The following CFAP58 variants were observed in gnomAD, a reference collection of about 807,000 sequenced individuals.
The protein encoded by CFAP58 is cilia and flagella associated protein 58, also known as cilia- and flagella-associated protein 58.
CFAP58 carries 88 observed loss-of-function variants against 119.5 expected under a neutral mutation model. That is an observed-to-expected ratio of 0.74 (90% CI 0.62 to 0.88). CFAP58 has a LOEUF of 0.88. Ranked by LOEUF, CFAP58 falls within the 40% of genes least tolerant of loss-of-function variation. CFAP58 has a pLI of 0.00. For missense variants in CFAP58, 990 were observed against 1,021.2 expected, an observed-to-expected ratio of 0.97 and a Z score of 0.42; for synonymous variants, 365 against 366.3, an observed-to-expected ratio of 1.00 and a Z score of 0.04.
chr10:104,413,962 G>T (rs1048346678), intron 15 of CFAP58, among the ~76,000 whole-genome samples: 1 of 152,134 alleles, frequency 6.6e-6, no homozygotes, highest in Non-Finnish European at 1.5e-5. Flanking sequence ...AAGTTCAAAT[G>T]CACTTAACCT....
chr10:104,408,549 C>A (rs2012403149), intron 15 of CFAP58, among the ~76,000 whole-genome samples: 1 of 152,186 alleles, frequency 6.6e-6, no homozygotes, highest in Admixed American at 6.5e-5. Flanking sequence ...CTCCAGAGCT[C>A]ATGCTTTCTA....
At chr10:104,444,739 C>A (rs1168978824) in intron 15 of CFAP58, among the ~76,000 whole-genome samples, 1 of 152,318 alleles carries the variant, frequency 6.6e-6, no homozygotes, top group South Asian at 2.1e-4. Context: ...ACAGTGAAGC[C>A]GGGCAATACA....
intron 1 of CFAP58, among the ~76,000 whole-genome samples, chr10:104,357,904 C>G (rs34142346): frequency 1.0e-5 from 1 of 98,156 alleles, no homozygotes; most frequent in Non-Finnish European, 2.0e-5. Flanking sequence ...TATATGTACA[C>G]ATATACACAC....
intron 15 of CFAP58, among the ~76,000 whole-genome samples, chr10:104,409,662 T>C (rs1340259712): frequency 6.6e-6 from 1 of 152,234 alleles, no homozygotes; most frequent in African/African-American, 2.4e-5. Flanking sequence ...TATAAGATTA[T>C]AATTTTTATT....
At chr10:104,346,503 A>G in the CFAP58 span, among the ~76,000 whole-genome samples, 2 of 151,930 alleles carry the variant, frequency 1.3e-5, no homozygotes, top group African/African-American at 4.8e-5. Context: ...GTGCAACACC[A>G]CGCCCAGCTC....
chr10:104,376,221 T>C (rs1564884069), intron 7 of CFAP58, among the ~76,000 whole-genome samples: 2 of 151,798 alleles, frequency 1.3e-5, no homozygotes, highest in African/African-American at 4.8e-5. Context: ...CAGCGTTAAA[T>C]AAAACCCATC....
rs1298719701 is a variant in CFAP58, at chr10:104,392,316, A to T, written c.1449A>T (p.Lys483Asn). 2 of 1,613,264 alleles carry T rather than the reference A, an allele frequency of 1.2e-6. No individual in the cohort carries two copies. Among genetic ancestry groups the T allele is most frequent in the South Asian group, 2.2e-5 (2 of 90,886 alleles). Residue 483 changes from lysine to asparagine, a missense_variant, in exon 10 of 18, where the codon AAA becomes AAT. Transcript: ENST00000369704. The stretch of plus-strand genomic sequence containing the variant: ...AAAAAATAGCTGAATCAGAGATTAA[A>T]TTAAAACAGCAACAGAACCTATATG... ...YRKKIAESEI[K>N]LKQQQNLYEA...
rs1190565008 is a variant in CFAP58, at chr10:104,400,578, A to C, written c.1816-102A>C. The C allele has an allele frequency of 7.5e-6, 7 of 929,100 alleles. 1 individual carries two copies. Among genetic ancestry groups the C allele is most frequent in the South Asian group, 5.7e-5 (4 of 70,306 alleles). The allele number at this position is 929,100 out of a possible 1,614,324, so 57.6% of individuals were successfully genotyped here. A position where few individuals can be genotyped will look rare whatever the true frequency, so the allele number is the denominator to read the frequency against. On this transcript the variant is annotated intron_variant, in intron 12 of 17. Coordinates refer to ENST00000369704, the MANE Select transcript of CFAP58 (RefSeq NM_001008723.2). Reference sequence around the variant, plus strand: ...GCCCAGCCCATGTGGTGCCCAGTACATGTGGGCGTTCAATAGATACTCATT... The same window carrying C: ...GCCCAGCCCATGTGGTGCCCAGTACCTGTGGGCGTTCAATAGATACTCATT...
chr10:104,420,504 T>A (rs2133066985), intron 15 of CFAP58, among the ~76,000 whole-genome samples: 1 of 152,290 alleles, frequency 6.6e-6, no homozygotes, highest in African/African-American at 2.4e-5. Context: ...GTGTTATGTG[T>A]TTTGAAACAA....
intron 9 of CFAP58, among the ~76,000 whole-genome samples, chr10:104,388,508 T>C (rs550323951): frequency 6.6e-6 from 1 of 152,090 alleles, no homozygotes; most frequent in Admixed American, 6.6e-5. Context: ...GCAAGAAAAA[T>C]AGGGAAGACT....
At chr10:104,376,937 A>C (rs374624171) in intron 8 of CFAP58, 44 bp downstream of exon 8, 2 of 1,473,970 alleles carry the variant, frequency 1.4e-6, no homozygotes, top group Non-Finnish European at 1.9e-6. Context: ...GTCTTTCTTC[A>C]GCACTGTAAT....
chr10:104,399,266 A>G (rs1444497524), intron 11 of CFAP58, 94 bp from the exon 12 acceptor site: 7 of 1,368,706 alleles, frequency 5.1e-6, no homozygotes, highest in Non-Finnish European at 7.0e-6. Context: ...AGGAAAGAGT[A>G]AGAAGCACAA....
chr10:104,346,284 G>T, the CFAP58 span, among the ~76,000 whole-genome samples: 1 of 152,062 alleles, frequency 6.6e-6, no homozygotes, highest in African/African-American at 2.4e-5. Flanking sequence ...AACATTGGAA[G>T]TCATGTATCA....
chr10:104,378,913 TAAA>T (rs35459140), intron 8 of CFAP58, among the ~76,000 whole-genome samples: 8 of 140,384 alleles, frequency 5.7e-5, no homozygotes, highest in Admixed American at 1.4e-4. Context: ...CAGTGCAGCT[TAAA>T]AAAAAAAAAA....
the CFAP58 span, among the ~76,000 whole-genome samples, chr10:104,342,010 G>C: frequency 6.6e-6 from 1 of 152,186 alleles, no homozygotes; most frequent in African/African-American, 2.4e-5. Context: ...CGGAATACCA[G>C]ACTGTAATTT....
At chr10:104,393,504 C>T (rs763584794) in intron 11 of CFAP58, 29 bp downstream of exon 11, 12 of 1,588,572 alleles carry the variant, frequency 7.6e-6, no homozygotes, top group East Asian at 4.5e-5. Flanking sequence ...AAGCAAAGTA[C>T]CAACAGTTCA....
intron 1 of CFAP58, among the ~76,000 whole-genome samples, chr10:104,355,894 G>A (rs762715242): frequency 6.6e-6 from 1 of 152,116 alleles, no homozygotes; most frequent in African/African-American, 2.4e-5. Context: ...TAAGTGCCAG[G>A]TAAACAGGTA....
At chr10:104,423,063 G>A (rs778353325) in intron 15 of CFAP58, among the ~76,000 whole-genome samples, 3 of 151,844 alleles carry the variant, frequency 2.0e-5, no homozygotes, top group Non-Finnish European at 2.9e-5. Flanking sequence ...GCATCTTGTC[G>A]CTACCCTTGG....
At chr10:104,352,511 C>G (rs1298840342), upstream of CFAP58, among the ~76,000 whole-genome samples, 1 of 151,206 alleles carries the variant, frequency 6.6e-6, no homozygotes, top group Non-Finnish European at 1.5e-5. Flanking sequence ...GCACATGGCA[C>G]GGGAAAGAGA....
Sources: allele counts gnomAD v4.1 joint callset (sites outside exome capture counted in the v4.1 genomes callset), GRCh38; gene constraint gnomAD v4.1.1; transcripts MANE v1.5; gene names NCBI Gene and HGNC (gene_info 2026-07-23, HGNC 2026-07-21).